Variants in RAE1 observed in about 807,000 individuals in gnomAD.
RAE1 encodes mRNA export factor RAE1.
A neutral mutation model predicts 52.7 loss-of-function variants in RAE1; 13 were observed. The ratio of observed to expected loss-of-function variants is 0.25; its 90% CI spans 0.16 to 0.39. The LOEUF (loss-of-function observed/expected upper bound fraction) is 0.39. Among genes scored for constraint, RAE1 ranks in the 10% least tolerant of loss-of-function variants. The probability of loss-of-function intolerance (pLI) is 1.00; values close to 1 mark genes in which losing one functional copy is unlikely to be tolerated. For synonymous variants in RAE1, 164 were observed against 153.1 expected, an observed-to-expected ratio of 1.07 and a Z score of -0.52; for missense variants, 262 against 459.8, an observed-to-expected ratio of 0.57 and a Z score of 3.93.
chr20:57,365,333 A>G (rs201736380), intron 4 of RAE1, 23 bp from the exon 5 acceptor site: 13 of 1,568,546 alleles, frequency 8.3e-6, no homozygotes, highest in East Asian at 4.5e-5. Flanking sequence ...TTAAAATGCA[A>G]AATTTTCTCC....
chr20:57,364,449 C>T (rs1193000550), intron 4 of RAE1, among the ~76,000 whole-genome samples: 1 of 152,152 alleles, frequency 6.6e-6, no homozygotes, highest in Non-Finnish European at 1.5e-5. Flanking sequence ...AGAATTACAA[C>T]CTCATTAAAA....
At position 57,373,875 on chromosome 20, in the gene RAE1, G is replaced by A. The variant is rs370062437; in HGVS notation, c.825+137G>A. On this transcript the variant is annotated intron_variant, in intron 10 of 11. Transcript: ENST00000395841. ...TGTCCGGAGATAAGTGGCTTATGCT[G>A]TAGGCTTCAGGTTTCTGTGGATTTT... The A allele has an allele frequency of 9.8e-6, 9 of 920,636 alleles. No individual in the cohort carries two copies. The East Asian group carries it at 1.5e-4, about 15-fold the overall frequency. 57.0% of individuals were successfully genotyped at this position (920,636 alleles called of 1,614,324 possible).
rs1409826226 is a variant in RAE1 at position 57,373,591 on chromosome 20, ACT to A, written c.749+13_749+14del. On this transcript the variant is annotated intron_variant, in intron 9 of 11. Coordinates refer to ENST00000395841, the MANE Select transcript of RAE1 (RefSeq NM_003610.4). ...TCAACCCCCCGAACCCGTAAGTGTGACTCTGTCAGCTTGCAGATTTCACTGGA... is the reference window on the plus strand; with the variant it reads ...TCAACCCCCCGAACCCGTAAGTGTGACTGTCAGCTTGCAGATTTCACTGGA... 3 of 1,613,414 alleles carry A rather than the reference ACT, an allele frequency of 1.9e-6. No individual in the cohort carries two copies. Among genetic ancestry groups the A allele is most frequent in the Non-Finnish European group, 2.5e-6 (3 of 1,179,412 alleles).
chr20:57,376,263 T>G (rs2146183066), intron 11 of RAE1, among the ~76,000 whole-genome samples: 1 of 152,362 alleles, frequency 6.6e-6, no homozygotes, highest in Middle Eastern at 3.4e-3. Context: ...GCAACTTTAT[T>G]GAGGTACAAT....
chr20:57,351,960 G>T (rs2066716674), intron 1 of RAE1: 1 of 985,488 alleles, frequency 1.0e-6, no homozygotes, highest in Non-Finnish European at 1.2e-6. Flanking sequence ...GCCAGGCATT[G>T]TACTGTGGGA....
At chr20:57,354,978 A>T (rs905946298) in intron 3 of RAE1, among the ~76,000 whole-genome samples, 162 bp downstream of exon 3, 9 of 152,222 alleles carry the variant, frequency 5.9e-5, no homozygotes, top group Non-Finnish European at 1.2e-4. Flanking sequence ...AATGGCAGAC[A>T]TTATTCTTAC....
At chr20:57,359,569 A>C (rs2066860581) in intron 4 of RAE1, 1 of 152,216 alleles carries the variant, frequency 6.6e-6, no homozygotes, top group African/African-American at 2.4e-5. Context: ...CTCTAGACTA[A>C]CAGTTAAACT....
intron 8 of RAE1, chr20:57,371,595 C>G (rs1011476850): frequency 6.6e-6 from 1 of 152,168 alleles, no homozygotes; most frequent in African/African-American, 2.4e-5. Context: ...ACATGGAACC[C>G]TTGTGCACTG....
In RAE1 at chr20:57,373,507, G is replaced by C; in HGVS notation, c.675G>C (p.Gln225His). 1 of 1,614,030 alleles carries C rather than the reference G, an allele frequency of 6.2e-7. No homozygotes were observed. Among genetic ancestry groups the C allele is most frequent in the Non-Finnish European group, 8.5e-7 (1 of 1,179,968 alleles). The change falls in exon 9 of 12, where the codon CAG becomes CAC. Residue 225 changes from glutamine (Q) to histidine (H), a missense_variant. Physicochemically the swap from Gln to His is conservative, Grantham distance 24. Transcript: ENST00000395841. ...HRCVAIFKDK[Q>H]NKPTGFALGS... ...GTGTGGCTATTTTTAAAGACAAACA[G>C]AACAAGCCTACTGGTTTTGCCCTGG...
intron 1 of RAE1, chr20:57,351,645 T>C (rs990752208): frequency 1.0e-6 from 1 of 985,424 alleles, no homozygotes; most frequent in African/African-American, 1.7e-5. Flanking sequence ...ACTGAGCCTC[T>C]GGGAAGGGTC....
chr20:57,363,372 G>A (rs1385334097), intron 4 of RAE1, among the ~76,000 whole-genome samples: 3 of 152,180 alleles, frequency 2.0e-5, no homozygotes, highest in African/African-American at 7.2e-5. Context: ...AATTAGCCGG[G>A]TTTGGTGGCG....
chr20:57,354,064 G>C lies in RAE1; in HGVS notation c.26G>C (p.Gly9Ala), dbSNP rs762648085. 74 of 1,613,732 alleles carry C rather than the reference G, an allele frequency of 4.6e-5. No homozygotes were observed. Among genetic ancestry groups the C allele is most frequent in the Non-Finnish European group, 6.1e-5 (72 of 1,179,900 alleles). The change falls in exon 2 of 12, where the codon GGT becomes GCT. Residue 9 changes from glycine to alanine, a missense_variant. Physicochemically the swap from Gly to Ala is moderately conservative, Grantham distance 60. Coordinates refer to ENST00000395841, the MANE Select transcript of RAE1 (RefSeq NM_003610.4). MSLFGTTS[G>A]FGTSGTSMFG... ...ATGAGCCTGTTTGGAACAACCTCAG[G>C]TTTTGGAACCAGTGGGACCAGCATG...
intron 4 of RAE1, among the ~76,000 whole-genome samples, chr20:57,361,436 T>C (rs1450397660): frequency 1.3e-5 from 2 of 152,254 alleles, no homozygotes; most frequent in East Asian, 3.9e-4. Context: ...TGCATTTTAG[T>C]TTCTTGTGTT....
chr20:57,365,756 G>A (rs1408691879), intron 5 of RAE1, among the ~76,000 whole-genome samples: 1 of 152,182 alleles, frequency 6.6e-6, no homozygotes, highest in Non-Finnish European at 1.5e-5. Flanking sequence ...CAGGTTGGAC[G>A]TTGTGACCTC....
At position 57,354,815 on chromosome 20, in the gene RAE1, A is replaced by G; in HGVS notation, c.194A>G (p.Asp65Gly). The G allele has an allele frequency of 6.3e-7, 1 of 1,589,310 alleles. No individual in the cohort carries two copies. Among genetic ancestry groups the G allele is most frequent in the South Asian group, 1.1e-5 (1 of 87,832 alleles). ...CTTATTGCAGGATCATGGGCTAATG[A>G]TGTAAGTGCTCCTTAAATACGTGTT... ...NFLIAGSWAN[D>G]VRCWEVQDSG... Residue 65 changes from aspartate (D) to glycine (G), a missense_variant and splice_region_variant, in exon 3 of 12, where the codon GAT (aspartate) becomes GGT (glycine). By Grantham distance (94) the Asp-to-Gly change is moderately conservative. Transcript: ENST00000395841.
At chr20:57,358,711 G>A (rs1202372210) in intron 4 of RAE1, 3 of 305,158 alleles carry the variant, frequency 9.8e-6, no homozygotes, top group Non-Finnish European at 1.8e-5. Flanking sequence ...CTCTATTGTC[G>A]ATATGGACTC....
chr20:57,363,850 C>G (rs1029594528), intron 4 of RAE1, among the ~76,000 whole-genome samples: 4 of 152,148 alleles, frequency 2.6e-5, no homozygotes, highest in Non-Finnish European at 5.9e-5. Flanking sequence ...TTAGGACAAA[C>G]AAGAAGAACA....
rs888856130 is a variant in RAE1, at chr20:57,368,811, A to G, written c.641A>G (p.Gln214Arg). The change falls in exon 8 of 12, where the codon CAG (glutamine) becomes CGG (arginine). Residue 214 changes from glutamine (Q) to arginine (R), a missense_variant and splice_region_variant. By Grantham distance (43) the Gln-to-Arg change is conservative (BLOSUM62 1). Transcript: ENST00000395841. ...AGGATAGAATCTCCACTGAAACATC[A>G]GGTGCGTCATTAGTCAAATCAAGAA... is the stretch of plus-strand genomic sequence containing the variant. The part of the protein sequence containing the change: ...FRRIESPLKH[Q>R]HRCVAIFKDK... The G allele has an allele frequency of 6.2e-7, 1 of 1,606,258 alleles. No homozygotes were observed.
intron 4 of RAE1, among the ~76,000 whole-genome samples, chr20:57,364,049 A>G (rs2066922716): frequency 6.6e-6 from 1 of 152,250 alleles, no homozygotes. Flanking sequence ...GGAGCTTTAC[A>G]GGAAGAGTCG....
Sources: gnomAD v4.1 joint callset for allele counts (sites outside exome capture counted in the v4.1 genomes callset) on GRCh38, gnomAD v4.1.1 for gene constraint, MANE v1.5 for transcripts, NCBI Gene and HGNC (gene_info 2026-07-23, HGNC 2026-07-21) for gene names.